The following IGSF21 variants were observed in gnomAD, a reference collection of about 807,000 sequenced individuals.
IGSF21 encodes immunoglobin superfamily member 21.
In IGSF21, 28 loss-of-function variants were observed where a neutral mutation model predicts 46.8. The observed-to-expected ratio is 0.60, with a 90% CI of 0.44 to 0.82. IGSF21 has a LOEUF of 0.82. IGSF21 is among the 40% of genes least tolerant of loss of function. The probability of loss-of-function intolerance (pLI) is 0.00; values close to 1 mark genes in which losing one functional copy is unlikely to be tolerated. For synonymous variants in IGSF21, 284 were observed against 273.6 expected, an observed-to-expected ratio of 1.04 and a Z score of -0.38; for missense variants, 624 against 665.5, an observed-to-expected ratio of 0.94 and a Z score of 0.69.
chr1:18,313,425 A>C (rs2085508745), intron 3 of IGSF21, among the ~76,000 whole-genome samples: 1 of 152,170 alleles, frequency 6.6e-6, no homozygotes. Flanking sequence ...TAGGCAAGTC[A>C]CTCATCTCTC....
chr1:18,149,333 A>G (rs1473598013), intron 1 of IGSF21, among the ~76,000 whole-genome samples: 1 of 152,148 alleles, frequency 6.6e-6, no homozygotes, highest in Admixed American at 6.5e-5. Context: ...CTTCGGGGCA[A>G]GGGACTGATT....
rs1157021116 is a variant in IGSF21 at position 18,287,180 on chromosome 1, CAAAAAAA to C, written c.184-4680_184-4674del. Among the ~76,000 whole-genome samples the C allele has an allele frequency of 9.7e-4, 31 of 31,866 alleles. 1 individual carries two copies. The highest frequency in any genetic ancestry group is 2.4e-3 in the South Asian group (1 of 422). The allele number at this position is 31,866 out of a possible 152,430, so 20.9% of individuals were successfully genotyped here. A position where few individuals can be genotyped will look rare whatever the true frequency, so the allele number is the denominator to read the frequency against. On this transcript the variant is annotated intron_variant, in intron 2 of 9. Transcript: ENST00000251296. Reference sequence around the variant, plus strand: ...TGGGCGACAGAGCGAGACTCCGTCTCAAAAAAAAAAAATAAAATAAATAAATAAATAA... The same window carrying C: ...TGGGCGACAGAGCGAGACTCCGTCTCAAAAATAAAATAAATAAATAAATAA...
At chr1:18,342,544 C>G (rs2085853875) in intron 4 of IGSF21, among the ~76,000 whole-genome samples, 2 of 152,192 alleles carry the variant, frequency 1.3e-5, no homozygotes, top group African/African-American at 4.8e-5. Flanking sequence ...TCATCGTCCT[C>G]CAAAGAAACC....
chr1:18,351,270 G>A lies in IGSF21; in HGVS notation c.425-10845G>A, dbSNP rs548267241. Among the ~76,000 whole-genome samples, 5 of 144,296 alleles carry A rather than the reference G, an allele frequency of 3.5e-5. No homozygotes were observed. The South Asian group carries it at 1.2e-3, about 35-fold the overall frequency. The allele number at this position is 144,296 out of a possible 152,430, so 94.7% of individuals were successfully genotyped here. A position where few individuals can be genotyped will look rare whatever the true frequency, so the allele number is the denominator to read the frequency against. ...TGGCAGTACTTCATTCCCCACCCTC[G>A]CATGAGACAGCCACCCGTGCCATCT... On this transcript the variant is annotated intron_variant, in intron 4 of 9. Coordinates refer to ENST00000251296, the MANE Select transcript of IGSF21 (RefSeq NM_032880.5).
At chr1:18,169,385 C>T (rs965784837) in intron 1 of IGSF21, among the ~76,000 whole-genome samples, 5 of 152,190 alleles carry the variant, frequency 3.3e-5, no homozygotes, top group Admixed American at 6.5e-5. Flanking sequence ...AGGCGTATTT[C>T]TTTCTTCCAC....
chr1:18,280,425 A>G (rs1022334502), intron 2 of IGSF21, among the ~76,000 whole-genome samples: 2 of 152,150 alleles, frequency 1.3e-5, no homozygotes, highest in Non-Finnish European at 2.9e-5. Flanking sequence ...TCCTGTTTGA[A>G]GCCTTCAATG....
chr1:18,245,204 TG>T (rs1469902501), intron 2 of IGSF21, among the ~76,000 whole-genome samples: 16 of 152,234 alleles, frequency 1.1e-4, no homozygotes, highest in Admixed American at 5.2e-4. Flanking sequence ...TATTCTTTTT[TG>T]TTATGAATAG....
At chr1:18,187,664 C>T (rs186727006) in intron 1 of IGSF21, among the ~76,000 whole-genome samples, 1 of 152,140 alleles carries the variant, frequency 6.6e-6, no homozygotes, top group Non-Finnish European at 1.5e-5. Context: ...GGTGGGGACA[C>T]AGCCAAACCA....
At chr1:18,323,950 C>T (rs539776210) in intron 3 of IGSF21, among the ~76,000 whole-genome samples, 1 of 152,164 alleles carries the variant, frequency 6.6e-6, no homozygotes, top group South Asian at 2.1e-4. Context: ...AGGGGCTCAG[C>T]TCTTAGGTAG....
chr1:18,311,864 G>A (rs223206), intron 3 of IGSF21, among the ~76,000 whole-genome samples: 111,654 of 152,140 alleles, frequency 0.73, 41,669 homozygotes, highest in East Asian at 0.95. Context: ...ATTTCCCACC[G>A]GGCCCCTCCC....
At chr1:18,297,831 A>T (rs1201579791) in intron 3 of IGSF21, among the ~76,000 whole-genome samples, 1 of 151,724 alleles carries the variant, frequency 6.6e-6, no homozygotes, top group East Asian at 1.9e-4. Flanking sequence ...TTTTCTCTGA[A>T]TATTTTTGGT....
intron 3 of IGSF21, among the ~76,000 whole-genome samples, chr1:18,324,289 T>C (rs1401365711): frequency 3.3e-5 from 5 of 152,172 alleles, no homozygotes; most frequent in Non-Finnish European, 5.9e-5. Flanking sequence ...AAGAGCACCA[T>C]GTATTTCTGG....
chr1:18,356,850 G>A (rs1384071204), intron 4 of IGSF21, among the ~76,000 whole-genome samples: 1 of 152,138 alleles, frequency 6.6e-6, no homozygotes, highest in Admixed American at 6.5e-5. Context: ...AATGGAGGTG[G>A]GATAGAGATG....
chr1:18,253,825 T>G (rs1266135305), intron 2 of IGSF21, among the ~76,000 whole-genome samples: 1 of 152,072 alleles, frequency 6.6e-6, no homozygotes, highest in Admixed American at 6.5e-5. Flanking sequence ...AGAAATGAGA[T>G]AATGGAGTGA....
At chr1:18,364,099 G>T (rs2086133315) in intron 5 of IGSF21, among the ~76,000 whole-genome samples, 1 of 152,056 alleles carries the variant, frequency 6.6e-6, no homozygotes, top group African/African-American at 2.4e-5. Context: ...TACCCAGCCT[G>T]TCTGCCTGCC....
chr1:18,223,220 T>C (rs2084528640), intron 1 of IGSF21, among the ~76,000 whole-genome samples: 1 of 152,220 alleles, frequency 6.6e-6, no homozygotes, highest in Non-Finnish European at 1.5e-5. Context: ...ATGGTTCCTA[T>C]CATTCAGTGT....
intron 4 of IGSF21, among the ~76,000 whole-genome samples, chr1:18,344,620 G>T (rs1407743226): frequency 1.3e-5 from 2 of 152,102 alleles, no homozygotes; most frequent in Non-Finnish European, 2.9e-5. Flanking sequence ...AGCTGTGGGG[G>T]AAGTGGGGCT....
Position 18,262,567 on chromosome 1 carries a change from G to T in IGSF21, c.184-29299G>T, listed in dbSNP as rs141896662. Reference sequence around the variant, plus strand: ...ATCTGGTGCGAGTGTCTGGCACATAGTAGATGCACCGTAAATGTTTATTGC... The same window carrying T: ...ATCTGGTGCGAGTGTCTGGCACATATTAGATGCACCGTAAATGTTTATTGC... On this transcript the variant is annotated intron_variant, in intron 2 of 9. Coordinates refer to ENST00000251296, the MANE Select transcript of IGSF21 (RefSeq NM_032880.5). Among the ~76,000 whole-genome samples, 132 of 152,336 alleles carry T rather than the reference G, an allele frequency of 8.7e-4. 1 individual carries two copies. Among genetic ancestry groups the T allele is most frequent in the African/African-American group, 3.1e-3 (129 of 41,578 alleles).
At chr1:18,273,725 T>C (rs1441336399) in intron 2 of IGSF21, among the ~76,000 whole-genome samples, 1 of 151,842 alleles carries the variant, frequency 6.6e-6, no homozygotes, top group African/African-American at 2.4e-5. Flanking sequence ...ACAGTTTCCT[T>C]ATAATAGAAA....
Sources: gnomAD v4.1 joint callset for allele counts (sites outside exome capture counted in the v4.1 genomes callset) on GRCh38, gnomAD v4.1.1 for gene constraint, MANE v1.5 for transcripts, NCBI Gene and HGNC (gene_info 2026-07-23, HGNC 2026-07-21) for gene names.